KDM1B: variants seen among roughly 807,000 people sequenced by gnomAD.
KDM1B encodes lysine-specific histone demethylase 2.
Under a neutral mutation model 107.4 loss-of-function variants are expected in KDM1B, and 63 were observed. That is an observed-to-expected ratio of 0.59 (90% CI 0.48 to 0.72). KDM1B has a LOEUF of 0.72. Among genes scored for constraint, KDM1B ranks in the 30% least tolerant of loss-of-function variants. The probability of loss-of-function intolerance (pLI) is 0.00; values close to 1 mark genes in which losing one functional copy is unlikely to be tolerated. For missense variants in KDM1B, 749 were observed against 1,020.8 expected (o/e 0.73, Z 3.63); for synonymous variants, 363 against 363.9 (o/e 1.00, Z 0.03).
chr6:18,170,967 C>A (rs1399679531), intron 6 of KDM1B, among the ~76,000 whole-genome samples: 1 of 151,932 alleles, frequency 6.6e-6, no homozygotes, highest in Non-Finnish European at 1.5e-5. Flanking sequence ...ACTACAGGCG[C>A]CCGCCACCAC....
chr6:18,206,676 C>T (rs900799571), intron 15 of KDM1B, among the ~76,000 whole-genome samples: 7 of 152,026 alleles, frequency 4.6e-5, no homozygotes, highest in Non-Finnish European at 7.4e-5. Context: ...CCTCCTGCCT[C>T]GGCCTCCCAA....
rs546438329 is a variant in KDM1B, at chr6:18,203,651, G to A, written c.1532-1886G>A. On this transcript the variant is annotated intron_variant, in intron 14 of 21. Transcript: ENST00000650836. The surrounding 1 kb of genome is among the most constrained non-coding windows in gnomAD (Gnocchi z 5.5). ...GTGGATCACCTGAGTTCAGGAGTTC[G>A]AGACCAGCCTGGCTAACATGGTGAA... 6.6e-6 allele frequency among the ~76,000 whole-genome samples: 1 copy of A among 152,204 alleles called. No homozygotes were observed. The highest frequency in any genetic ancestry group is 2.1e-4 in the South Asian group (1 of 4,826).
At chr6:18,177,999 C>T (rs1238610387) in intron 7 of KDM1B, among the ~76,000 whole-genome samples, 1 of 152,122 alleles carries the variant, frequency 6.6e-6, no homozygotes, top group Non-Finnish European at 1.5e-5. Context: ...CTAATATTCA[C>T]TGAGGATATC....
In KDM1B at chr6:18,213,776, C is replaced by A; in HGVS notation, c.2104C>A (p.Pro702Thr). Residue 702 changes from proline to threonine, a missense_variant, in exon 19 of 22, where the codon CCC (proline) becomes ACC (threonine). By Grantham distance (38) the Pro-to-Thr change is conservative. Transcript: ENST00000650836. The surrounding 1 kb of genome is among the most constrained non-coding windows in gnomAD (Gnocchi z 5.9). ...GLFAVFYDMD[P>T]QKKHSVLMSV... The stretch of plus-strand genomic sequence containing the variant: ...TTTTGCCGTGTTCTATGACATGGAT[C>A]CCCAGGTAAAATCATTCGTGAACTG... 6.2e-7 allele frequency: 1 copy of A among 1,613,938 alleles called. No homozygotes were observed.
At chr6:18,193,194 TAAAAAAAAA>T (rs541938365) in intron 10 of KDM1B, among the ~76,000 whole-genome samples, 18 of 60,078 alleles carry the variant, frequency 3.0e-4, no homozygotes, top group African/African-American at 9.0e-4. Context: ...AAACTCTGTC[TAAAAAAAAA>T]AAAAAAAAAA....
At chr6:18,180,497 A>G (rs1340581984) in intron 7 of KDM1B, among the ~76,000 whole-genome samples, 1 of 152,192 alleles carries the variant, frequency 6.6e-6, no homozygotes, top group Non-Finnish European at 1.5e-5. Context: ...GTTTTTTCAG[A>G]CAATTTTTTA....
chr6:18,199,686 A>G (rs187223364), intron 12 of KDM1B, among the ~76,000 whole-genome samples: 46 of 149,310 alleles, frequency 3.1e-4, no homozygotes, highest in African/African-American at 9.6e-4. Flanking sequence ...TAATATTTAT[A>G]TGGAGTGGCA....
At chr6:18,177,050 A>G (rs767417625) in intron 7 of KDM1B, among the ~76,000 whole-genome samples, 3 of 152,142 alleles carry the variant, frequency 2.0e-5, no homozygotes, top group Non-Finnish European at 2.9e-5. Context: ...ATTGGTACCA[A>G]TTCTTCAAAT....
rs1276630307 is a variant in KDM1B at position 18,221,913 on chromosome 6, C to CA, written c.2393dup (p.Asn798LysfsTer118). The CA allele has an allele frequency of 6.2e-7, 1 of 1,600,588 alleles. No homozygotes were observed. Among genetic ancestry groups the CA allele is most frequent in the East Asian group, 2.2e-5 (1 of 44,632 alleles). On this transcript the variant is annotated frameshift_variant, in exon 22 of 22. Coordinates refer to ENST00000650836, the MANE Select transcript of KDM1B (RefSeq NM_001364614.2). LOFTEE classifies it high-confidence loss of function. ...TTATGTAATTATGTTTTACAGGCAA[C>CA]AAACAGGCATTTCCCACAAACTGTT...
In KDM1B at chr6:18,208,158, T is replaced by C; in HGVS notation, c.1818T>C (p.Asp606=). The C allele has an allele frequency of 6.2e-7, 1 of 1,613,856 alleles. No homozygotes were observed. Among genetic ancestry groups the C allele is most frequent in the South Asian group, 1.1e-5 (1 of 91,058 alleles). The part of the protein sequence containing the change: ...SPVQCIDYSG[D]EVQVTTTDGT... ...TGCAGTGTATTGATTATTCTGGAGA[T>C]GAAGTGCAGGTTACCACTACAGATG... Residue 606 remains aspartate, a synonymous_variant, in exon 17 of 22, where the codon GAT becomes GAC. Coordinates refer to ENST00000650836, the MANE Select transcript of KDM1B (RefSeq NM_001364614.2).
chr6:18,156,008 CG>C (rs1784569611), intron 2 of KDM1B, 82 bp downstream of exon 2: 1 of 152,236 alleles, frequency 6.6e-6, no homozygotes, highest in African/African-American at 2.4e-5. Context: ...CAGCTGGCAC[CG>C]GGAGTTTGGG....
intron 16 of KDM1B, 151 bp downstream of exon 16, chr6:18,207,680 C>T: frequency 1.1e-6 from 1 of 879,170 alleles, no homozygotes; most frequent in Non-Finnish European, 1.7e-6. Flanking sequence ...GCCTGTGTAG[C>T]ATTATCCATG....
Position 18,209,257 on chromosome 6 carries a change from C to T in KDM1B, c.1866+1051C>T, listed in dbSNP as rs964020990. Among the ~76,000 whole-genome samples the T allele has an allele frequency of 6.6e-6, 1 of 152,072 alleles. No individual in the cohort carries two copies. The highest frequency in any genetic ancestry group is 1.5e-5 in the Non-Finnish European group (1 of 68,004). ...TTGGGGTAGAGGGGATTTAGTAAAC[C>T]TTGAAAATTTAAGTTTAGTTATATC... On this transcript the variant is annotated intron_variant, in intron 17 of 21. Transcript: ENST00000650836. The surrounding 1 kb of genome is among the most constrained non-coding windows in gnomAD (Gnocchi z 4.3).
intron 7 of KDM1B, among the ~76,000 whole-genome samples, chr6:18,174,202 T>A (rs958042182): frequency 1.3e-5 from 2 of 152,222 alleles, no homozygotes; most frequent in Non-Finnish European, 2.9e-5. Flanking sequence ...ATTGTATCTG[T>A]ATAGTAAGTC....
At position 18,213,378 on chromosome 6, in the gene KDM1B, G is replaced by A. The variant is rs1788996565; in HGVS notation, c.1984-278G>A. On this transcript the variant is annotated intron_variant, in intron 18 of 21. Transcript: ENST00000650836. The surrounding 1 kb of genome is among the most constrained non-coding windows in gnomAD (Gnocchi z 5.9). ...TCGAAACCGGAAAGTGGAGGCTGCAGTGAGCCAAGATCGCTCCATTGCACT... is the reference window on the plus strand; with the variant it reads ...TCGAAACCGGAAAGTGGAGGCTGCAATGAGCCAAGATCGCTCCATTGCACT... 6.6e-6 allele frequency among the ~76,000 whole-genome samples: 1 copy of A among 151,598 alleles called. No homozygotes were observed. The highest frequency in any genetic ancestry group is 6.6e-5 in the Admixed American group (1 of 15,196).
chr6:18,199,231 G>GA (rs1561940503), intron 12 of KDM1B, among the ~76,000 whole-genome samples: 1 of 151,912 alleles, frequency 6.6e-6, no homozygotes, highest in African/African-American at 2.4e-5. Flanking sequence ...TTCTGTCAGA[G>GA]AAAGAGGGTA....
rs941575637 is a variant in KDM1B, at chr6:18,186,748, AAGG to A, written c.573+941_573+943del. Among the ~76,000 whole-genome samples the A allele has an allele frequency of 2.0e-5, 3 of 152,088 alleles. No individual in the cohort carries two copies. Among genetic ancestry groups the A allele is most frequent in the Admixed American group, 2.0e-4 (3 of 15,272 alleles). The stretch of plus-strand genomic sequence containing the variant: ...CAAATGTGTCCTTCATGATGGCTGG[AAGG>A]AGAAGTGTCAAGCAAAGGGGGAAAA... On this transcript the variant is annotated intron_variant, in intron 8 of 21. Transcript: ENST00000650836. This position sits in a 1 kb window ranked among gnomAD's most constrained non-coding sequence, Gnocchi z 5.6.
In KDM1B at chr6:18,213,447, A is replaced by C. The variant is rs985041565; in HGVS notation, c.1984-209A>C. ...GCGAAACTCCGTCTCAAAAAAAAAA[A>C]AAACCCAAAAAACAAAACAAAACAA... On this transcript the variant is annotated intron_variant, in intron 18 of 21. Coordinates refer to ENST00000650836, the MANE Select transcript of KDM1B (RefSeq NM_001364614.2). This position sits in a 1 kb window ranked among gnomAD's most constrained non-coding sequence, Gnocchi z 5.9. Among the ~76,000 whole-genome samples, 37 of 151,966 alleles carry C rather than the reference A, an allele frequency of 2.4e-4. No homozygotes were observed. Among genetic ancestry groups the C allele is most frequent in the African/African-American group, 8.2e-4 (34 of 41,366 alleles).
rs1408018277 is a variant in KDM1B, at chr6:18,214,034, A to G, written c.2109+253A>G. 6.6e-6 allele frequency among the ~76,000 whole-genome samples: 1 copy of G among 152,136 alleles called. No homozygotes were observed. Among genetic ancestry groups the G allele is most frequent in the African/African-American group, 2.4e-5 (1 of 41,414 alleles). On this transcript the variant is annotated intron_variant, in intron 19 of 21. Coordinates refer to ENST00000650836, the MANE Select transcript of KDM1B (RefSeq NM_001364614.2). The surrounding 1 kb of genome is among the most constrained non-coding windows in gnomAD (Gnocchi z 4.4). ...GGATGCTTGTGGAAACTGTCATTTCAGGCTATGGGGGAATTCCTCTTAGGT... is the reference window on the plus strand; with the variant it reads ...GGATGCTTGTGGAAACTGTCATTTCGGGCTATGGGGGAATTCCTCTTAGGT...
Sources: gnomAD v4.1 joint callset for allele counts (sites outside exome capture counted in the v4.1 genomes callset) on GRCh38, gnomAD v4.1.1 for gene constraint, Gnocchi (gnomAD v3.1) non-coding constraint, MANE v1.5 for transcripts, NCBI Gene and HGNC (gene_info 2026-07-23, HGNC 2026-07-21) for gene names.